The following DNAJC3 variants were observed in gnomAD, a reference collection of about 807,000 sequenced individuals.
DNAJC3 encodes dnaJ homolog subfamily C member 3.
DNAJC3 carries 38 observed loss-of-function variants against 68.6 expected under a neutral mutation model. The ratio of observed to expected loss-of-function variants is 0.55; its 90% CI spans 0.43 to 0.73. The LOEUF (loss-of-function observed/expected upper bound fraction) is 0.73. Ranked by LOEUF, DNAJC3 falls within the 30% of genes least tolerant of loss-of-function variation. DNAJC3 has a pLI of 0.00. For missense variants in DNAJC3, 526 were observed against 591.9 expected, an observed-to-expected ratio of 0.89 and a Z score of 1.16; for synonymous variants, 203 against 204.0, an observed-to-expected ratio of 1.00 and a Z score of 0.04.
chr13:95,740,354 C>G (rs112318691), intron 4 of DNAJC3, among the ~76,000 whole-genome samples: 4 of 152,080 alleles, frequency 2.6e-5, no homozygotes, highest in East Asian at 1.9e-4. Flanking sequence ...TGGAGCTTCC[C>G]GGCTGCTTTG....
intron 9 of DNAJC3, among the ~76,000 whole-genome samples, chr13:95,779,415 C>T (rs897459024): frequency 1.1e-4 from 17 of 152,096 alleles, no homozygotes; most frequent in African/African-American, 2.4e-4. Flanking sequence ...TGAGCCATCG[C>T]GCCCGGCCTA....
intron 2 of DNAJC3, among the ~76,000 whole-genome samples, chr13:95,711,611 T>C (rs376069079): frequency 1.3e-5 from 2 of 151,730 alleles, no homozygotes; most frequent in Non-Finnish European, 2.9e-5. Context: ...CCTTTGTGAG[T>C]AGTAGAGAAA....
chr13:95,761,091 A>G (rs191149828), intron 7 of DNAJC3, among the ~76,000 whole-genome samples: 2 of 152,346 alleles, frequency 1.3e-5, no homozygotes, highest in African/African-American at 2.4e-5. Flanking sequence ...AAACTTGACA[A>G]TAGTTTTTGT....
At chr13:95,783,256 T>C (rs1304327618) in intron 9 of DNAJC3, among the ~76,000 whole-genome samples, 1 of 152,244 alleles carries the variant, frequency 6.6e-6, no homozygotes, top group African/African-American at 2.4e-5. Flanking sequence ...TGTGTGAATA[T>C]AGGAAACAAC....
At position 95,794,389 on chromosome 13, in the gene DNAJC3, G is replaced by A. The variant is rs532337916; in HGVS notation, c.*3359G>A. On this transcript the variant is annotated 3_prime_UTR_variant, in exon 12 of 12. Coordinates refer to ENST00000602402, the MANE Select transcript of DNAJC3 (RefSeq NM_006260.5). ...TACAGACACGGCCCTGGTGATGGGC[G>A]TTGCAAAGTTTTCACTGAGCACACA... 6.6e-4 allele frequency: 101 copies of A among 152,334 alleles called. No homozygotes were observed. Among genetic ancestry groups the A allele is most frequent in the African/African-American group, 2.2e-3 (90 of 41,582 alleles). The allele number at this position is 152,334 out of a possible 1,614,324, so 9.4% of individuals were successfully genotyped here.
chr13:95,759,432 C>T (rs1455491229), intron 5 of DNAJC3, among the ~76,000 whole-genome samples: 1 of 152,158 alleles, frequency 6.6e-6, no homozygotes, highest in Non-Finnish European at 1.5e-5. Flanking sequence ...CCATCTCAGC[C>T]TCCTGAGTAG....
intron 10 of DNAJC3, 118 bp from the exon 11 acceptor site, chr13:95,786,889 C>A (rs538059853): frequency 8.1e-7 from 1 of 1,227,592 alleles, no homozygotes; most frequent in Non-Finnish European, 1.1e-6. Flanking sequence ...ACCATTGGAA[C>A]TATTTTATAA....
chr13:95,762,437 C>T (rs765787853), intron 7 of DNAJC3, among the ~76,000 whole-genome samples: 35 of 152,220 alleles, frequency 2.3e-4, no homozygotes, highest in Non-Finnish European at 4.6e-4. Context: ...ACCCAGGGAA[C>T]GTCTTACCAT....
intron 2 of DNAJC3, among the ~76,000 whole-genome samples, chr13:95,721,521 C>A (rs1006650457): frequency 2.0e-5 from 3 of 152,166 alleles, no homozygotes; most frequent in Non-Finnish European, 4.4e-5. Context: ...CATCTTACAT[C>A]CCACCAACAG....
chr13:95,760,740 C>T lies in DNAJC3; in HGVS notation c.790C>T (p.Gln264Ter). ...DHKRCFAHYKQVKKLNKLIES... is the reference protein window; with the variant it reads ...DHKRCFAHYK ...TAAAAGGTGTTTTGCACACTATAAA[C>T]AAGTAAAGAAACTTAATAAGCTGAT... The change falls in exon 7 of 12, where the codon CAA becomes TAA. Residue 264 changes from glutamine to a stop codon, truncating the protein, a stop_gained. Coordinates refer to ENST00000602402, the MANE Select transcript of DNAJC3 (RefSeq NM_006260.5). LOFTEE classifies it high-confidence loss of function. The T allele has an allele frequency of 1.2e-6, 2 of 1,612,824 alleles. No individual in the cohort carries two copies. Among genetic ancestry groups the T allele is most frequent in the Non-Finnish European group, 1.7e-6 (2 of 1,179,468 alleles).
At chr13:95,751,203 TCCAG>T (rs777394411) in intron 4 of DNAJC3, among the ~76,000 whole-genome samples, 8 of 152,216 alleles carry the variant, frequency 5.3e-5, no homozygotes, top group Admixed American at 2.6e-4. Context: ...GCTCCTGCAC[TCCAG>T]CCAGAGTGAC....
At chr13:95,713,806 A>T (rs1261702822) in intron 2 of DNAJC3, among the ~76,000 whole-genome samples, 1 of 152,194 alleles carries the variant, frequency 6.6e-6, no homozygotes, top group African/African-American at 2.4e-5. Flanking sequence ...CTTCCTTCTT[A>T]TGAGAGCAGA....
intron 4 of DNAJC3, chr13:95,742,490 C>G: frequency 2.4e-6 from 1 of 416,870 alleles, no homozygotes; most frequent in Non-Finnish European, 4.7e-6. Flanking sequence ...TTGAGAGGAT[C>G]TCCAGCTAGG....
intron 1 of DNAJC3, among the ~76,000 whole-genome samples, chr13:95,685,818 A>T (rs1206293317): frequency 6.6e-6 from 1 of 151,706 alleles, no homozygotes; most frequent in African/African-American, 2.4e-5. Flanking sequence ...CTTTTTAGTA[A>T]TAGCCACTCA....
At chr13:95,682,663 G>A (rs567550547) in intron 1 of DNAJC3, among the ~76,000 whole-genome samples, 1 of 152,210 alleles carries the variant, frequency 6.6e-6, no homozygotes, top group South Asian at 2.1e-4. Flanking sequence ...ATGGCATGAT[G>A]TTTGGTTGTC....
In DNAJC3 at chr13:95,722,138, C is replaced by T. The variant is rs567923366; in HGVS notation, c.194-1104C>T. Among the ~76,000 whole-genome samples, 7 of 152,274 alleles carry T rather than the reference C, an allele frequency of 4.6e-5. No homozygotes were observed. In the South Asian group the frequency reaches 1.4e-3, roughly 32 times the overall value. On this transcript the variant is annotated intron_variant, in intron 2 of 11. Coordinates refer to ENST00000602402, the MANE Select transcript of DNAJC3 (RefSeq NM_006260.5). The stretch of plus-strand genomic sequence containing the variant: ...GCAGCAGATTTGCTTCTGACTGAAT[C>T]CACTCTTTTCTGTACTTCGTAGGTG...
At chr13:95,717,618 G>T (rs758630206) in intron 2 of DNAJC3, among the ~76,000 whole-genome samples, 2 of 152,162 alleles carry the variant, frequency 1.3e-5, no homozygotes, top group Admixed American at 6.5e-5. Context: ...CATGTTGTTG[G>T]AGGGAACTGG....
At chr13:95,695,368 C>T (rs1880408036) in intron 1 of DNAJC3, 2 of 152,222 alleles carry the variant, frequency 1.3e-5, no homozygotes, top group South Asian at 2.1e-4. Flanking sequence ...TATCCTACCC[C>T]ACATTAAGCC....
At chr13:95,677,883 GT>G (rs1879805514) in intron 1 of DNAJC3, among the ~76,000 whole-genome samples, 1 of 152,146 alleles carries the variant, frequency 6.6e-6, no homozygotes. Flanking sequence ...TAGAGAAATT[GT>G]TAGTTTGGTG....
Sources: allele counts gnomAD v4.1 joint callset (sites outside exome capture counted in the v4.1 genomes callset), GRCh38; gene constraint gnomAD v4.1.1; transcripts MANE v1.5; gene names NCBI Gene and HGNC (gene_info 2026-07-23, HGNC 2026-07-21).